Variants in FCGR2B observed in about 807,000 individuals in gnomAD.
FCGR2B encodes Fc gamma receptor IIb.
FCGR2B carries 18 observed loss-of-function variants against 24.8 expected under a neutral mutation model. The ratio of observed to expected loss-of-function variants is 0.73; its 90% CI spans 0.50 to 1.08. The LOEUF (loss-of-function observed/expected upper bound fraction) is 1.08. FCGR2B is among the 50% of genes least tolerant of loss of function. The pLI is 0.00. For missense variants in FCGR2B, 215 were observed against 297.6 expected, an observed-to-expected ratio of 0.72 and a Z score of 2.04; for synonymous variants, 79 against 109.8, an observed-to-expected ratio of 0.72 and a Z score of 1.75.
At chr1:161,672,463 C>G in intron 3 of FCGR2B, 1 of 174,972 alleles carries the variant, frequency 5.7e-6, no homozygotes, top group Admixed American at 5.4e-5. Context: ...TATTAACATT[C>G]CCGAAGTAAA....
At chr1:161,649,034 A>G in the FCGR2B span, among the ~76,000 whole-genome samples, 1 of 150,870 alleles carries the variant, frequency 6.6e-6, no homozygotes, top group Non-Finnish European at 1.5e-5. Flanking sequence ...CTGAAGCATG[A>G]CTCTTCTAAA....
the FCGR2B span, among the ~76,000 whole-genome samples, chr1:161,647,273 C>T: frequency 2.0e-5 from 3 of 148,380 alleles, no homozygotes; most frequent in South Asian, 6.5e-4. Context: ...TAAGTGCAGC[C>T]CCGGGTTCTC....
intron 2 of FCGR2B, 99 bp from the exon 3 acceptor site, chr1:161,671,293 C>G (rs1375317891): frequency 1.3e-6 from 2 of 1,586,636 alleles, no homozygotes; most frequent in Non-Finnish European, 1.7e-6. Context: ...CTTTTGGTGC[C>G]CCTAGTAGGC....
At chr1:161,675,372 G>T (rs1388190844) in intron 6 of FCGR2B, 59 bp downstream of exon 6, 42 of 1,265,032 alleles carry the variant, frequency 3.3e-5, no homozygotes, top group Admixed American at 4.7e-5. Context: ...CGGCTGGACT[G>T]GAGCCAGGGA....
chr1:161,651,837 G>A, the FCGR2B span, among the ~76,000 whole-genome samples: 1 of 126,372 alleles, frequency 7.9e-6, no homozygotes, highest in African/African-American at 2.7e-5. Context: ...GGAGGGTGAG[G>A]CAGGAGAATT....
intron 6 of FCGR2B, 45 bp from the exon 7 acceptor site, chr1:161,677,283 C>G (rs762983298): frequency 3.7e-6 from 6 of 1,602,776 alleles, no homozygotes; most frequent in South Asian, 1.1e-5. Flanking sequence ...GGCAGGCCCT[C>G]TTCTCCAGCA....
rs376451632 is a variant in FCGR2B at position 161,671,474 on chromosome 1, G to A, written c.216G>A (p.Arg72=). The change falls in exon 3 of 8, where the codon CGG becomes CGA. Residue 72 remains arginine (R), a synonymous_variant. Transcript: ENST00000358671. ...AGGACTCTGTGACTCTGACATGCCG[G>A]GGGACTCACAGCCCTGAGAGCGACT... ...LQEDSVTLTC[R]GTHSPESDSI... is the part of the protein sequence containing the mutation. 6.2e-7 allele frequency: 1 copy of A among 1,614,180 alleles called. No individual in the cohort carries two copies. The highest frequency in any genetic ancestry group is 8.5e-7 in the Non-Finnish European group (1 of 1,180,038).
chr1:161,673,820 C>G (rs1359237433), intron 4 of FCGR2B, 140 bp from the exon 5 acceptor site: 1 of 459,682 alleles, frequency 2.2e-6, no homozygotes, highest in Non-Finnish European at 4.1e-6. Context: ...GCAGATGAGG[C>G]TGGGGATGTA....
the FCGR2B span, among the ~76,000 whole-genome samples, chr1:161,654,747 G>C: frequency 7.3e-6 from 1 of 136,712 alleles, no homozygotes; most frequent in Admixed American, 7.5e-5. Context: ...AGGTGAGCCT[G>C]TGCTCATATC....
chr1:161,649,904 G>T, the FCGR2B span, among the ~76,000 whole-genome samples: 1 of 150,244 alleles, frequency 6.7e-6, no homozygotes, highest in Non-Finnish European at 1.5e-5. Context: ...GGATGGGAAT[G>T]GTAGATACAT....
the FCGR2B span, among the ~76,000 whole-genome samples, chr1:161,647,642 G>T: frequency 6.6e-6 from 1 of 150,714 alleles, no homozygotes; most frequent in Non-Finnish European, 1.5e-5. Flanking sequence ...TAGACCATTA[G>T]TTGGCTGTTT....
At chr1:161,675,931 G>T in intron 6 of FCGR2B, 1 of 232,778 alleles carries the variant, frequency 4.3e-6, no homozygotes, top group African/African-American at 2.2e-5. Flanking sequence ...GCCTGGTTCT[G>T]CCCTCATCAC....
rs1446704347 is a variant in FCGR2B, at chr1:161,673,794, G to A, written c.647-166G>A. 2 of 477,874 alleles carry A rather than the reference G, an allele frequency of 4.2e-6. 1 individual carries two copies. Among genetic ancestry groups the A allele is most frequent in the Admixed American group, 8.0e-5 (2 of 24,930 alleles). The allele number at this position is 477,874 out of a possible 1,614,324, so 29.6% of individuals were successfully genotyped here. A position where few individuals can be genotyped will look rare whatever the true frequency, so the allele number is the denominator to read the frequency against. On this transcript the variant is annotated intron_variant, in intron 4 of 7. Transcript: ENST00000358671. ...TCGGTAAGCAGGAGGCATAAGTCCA[G>A]CCACAGAAACCCTGTGCAGATGAGG...
At chr1:161,675,767 G>C (rs1438886731) in intron 6 of FCGR2B, 1 of 235,826 alleles carries the variant, frequency 4.2e-6, no homozygotes, top group Non-Finnish European at 8.3e-6. Context: ...TCTGTGGAGG[G>C]ATGGGGTGGA....
rs12145090 is a variant in FCGR2B, at chr1:161,669,526, C to T, written c.113-726C>T. ...CGGAGGTTGCAGTGAGCCAAGATCG[C>T]GTTATTGCACTCCAGCCTGGGTGAC... On this transcript the variant is annotated intron_variant, in intron 1 of 7. Transcript: ENST00000358671. Among the ~76,000 whole-genome samples, 24 of 142,596 alleles carry T rather than the reference C, an allele frequency of 1.7e-4. 2 individuals are homozygous for T. Among genetic ancestry groups the T allele is most frequent in the Admixed American group, 2.9e-4 (4 of 13,962 alleles). The allele number at this position is 142,596 out of a possible 152,430, so 93.5% of individuals were successfully genotyped here. A position where few individuals can be genotyped will look rare whatever the true frequency, so the allele number is the denominator to read the frequency against.
At chr1:161,671,775 A>G in intron 3 of FCGR2B, 126 bp downstream of exon 3, 2 of 1,522,832 alleles carry the variant, frequency 1.3e-6, no homozygotes, top group Non-Finnish European at 1.8e-6. Context: ...GAGTTGCCTC[A>G]GCACATATCA....
At position 161,675,268 on chromosome 1, in the gene FCGR2B, T is replaced by C. The variant is rs148534844; in HGVS notation, c.772T>C (p.Tyr258His). 1 of 1,605,246 alleles carries C rather than the reference T, an allele frequency of 6.2e-7. No individual in the cohort carries two copies. Among genetic ancestry groups the C allele is most frequent in the Non-Finnish European group, 8.5e-7 (1 of 1,176,684 alleles). The part of the protein sequence containing the change: ...RKKRISALPG[Y>H]PECREMGETL... ...TGTGCCCCTCCCAGCTCTCCCAGGA[T>C]ACCCTGAGTGCAGGGAAATGGGAGA... Residue 258 changes from tyrosine to histidine, a missense_variant, in exon 6 of 8, where the codon TAC (tyrosine) becomes CAC (histidine). Transcript: ENST00000358671.
In FCGR2B at chr1:161,671,438, C is replaced by A. The variant is rs138208658; in HGVS notation, c.180C>A (p.Asn60Lys). The change falls in exon 3 of 8, where the codon AAC becomes AAA. Residue 60 changes from asparagine to lysine, a missense_variant. Physicochemically the swap from Asn to Lys is moderately conservative, Grantham distance 94 (BLOSUM62 0). Transcript: ENST00000358671. ...AVLKLEPQWI[N>K]VLQEDSVTLT... is the part of the protein sequence containing the mutation. ...TGAAACTCGAGCCCCAGTGGATCAA[C>A]GTGCTCCAGGAGGACTCTGTGACTC... 3 of 1,614,194 alleles carry A rather than the reference C, an allele frequency of 1.9e-6. No homozygotes were observed. The highest frequency in any genetic ancestry group is 1.7e-6 in the Non-Finnish European group (2 of 1,180,038).
chr1:161,678,497 A>G lies in FCGR2B; in HGVS notation c.*944A>G, dbSNP rs1019574565. ...ATTTAGGTTTGTATAAGTACCTGCT[A>G]TGATGTTCACACAACAAAATTGCCT... is the stretch of plus-strand genomic sequence containing the variant. On this transcript the variant is annotated 3_prime_UTR_variant, in exon 8 of 8. Transcript: ENST00000358671. The G allele has an allele frequency of 4.6e-6, 1 of 217,098 alleles. No homozygotes were observed. Among genetic ancestry groups the G allele is most frequent in the African/African-American group, 2.2e-5 (1 of 44,550 alleles). 13.4% of individuals were successfully genotyped at this position (217,098 alleles called of 1,614,324 possible).
Sources: gnomAD v4.1 joint callset for allele counts (sites outside exome capture counted in the v4.1 genomes callset) on GRCh38, gnomAD v4.1.1 for gene constraint, MANE v1.5 for transcripts, NCBI Gene and HGNC (gene_info 2026-07-23, HGNC 2026-07-21) for gene names.